LRGUK: variants seen among roughly 807,000 people sequenced by gnomAD.
LRGUK encodes the protein leucine rich repeats and guanylate kinase domain containing.
In LRGUK, 65 loss-of-function variants were observed where a neutral mutation model predicts 76.0. That is an observed-to-expected ratio of 0.85 (90% CI 0.70 to 1.05). The LOEUF is 1.05. Among genes scored for constraint, LRGUK ranks in the 50% least tolerant of loss-of-function variants. The pLI, the probability that LRGUK is intolerant of heterozygous loss-of-function variation, is 0.00. For synonymous variants in LRGUK, 268 were observed against 265.6 expected (o/e 1.01, Z -0.09); for missense variants, 758 against 732.8 (o/e 1.03, Z -0.40).
At chr7:134,247,636 A>G (rs1329189501) in exon 17 of LRGUK, 2 of 1,612,210 alleles carry the variant, frequency 1.2e-6, no homozygotes, top group African/African-American at 1.3e-5. Context: ...ACACACTCCT[A>G]TTTCAAAGGT....
chr7:134,177,713 G>A (rs927318982), intron 9 of LRGUK, among the ~76,000 whole-genome samples: 15 of 152,160 alleles, frequency 9.9e-5, no homozygotes, highest in African/African-American at 3.6e-4. Flanking sequence ...ATGAAAACAG[G>A]TATAAATATG....
intron 10 of LRGUK, among the ~76,000 whole-genome samples, chr7:134,182,005 C>T (rs944376034): frequency 6.6e-6 from 1 of 152,176 alleles, no homozygotes; most frequent in Non-Finnish European, 1.5e-5. Flanking sequence ...ACCTCCCTCC[C>T]TCTCATCTTC....
At chr7:134,157,983 T>C in intron 5 of LRGUK, 52 bp from the exon 6 acceptor site, 1 of 1,551,276 alleles carries the variant, frequency 6.4e-7, no homozygotes, top group Non-Finnish European at 8.8e-7. Context: ...ATTCTTTTTT[T>C]CTTCCAAATG....
intron 16 of LRGUK, among the ~76,000 whole-genome samples, chr7:134,223,024 A>T (rs887942659): frequency 6.6e-5 from 10 of 152,176 alleles, no homozygotes; most frequent in African/African-American, 2.2e-4. Flanking sequence ...GCATATACAG[A>T]TATAGTATGC....
chr7:134,230,245 C>A (rs1381616922), intron 16 of LRGUK, among the ~76,000 whole-genome samples: 1 of 152,108 alleles, frequency 6.6e-6, no homozygotes. Flanking sequence ...AGCCCATATT[C>A]TTATGAAGAG....
intron 19 of LRGUK, among the ~76,000 whole-genome samples, chr7:134,261,291 ATT>A (rs36065624): frequency 4.7e-5 from 7 of 149,224 alleles, no homozygotes; most frequent in Admixed American, 1.3e-4. Flanking sequence ...TGTGAAGTTG[ATT>A]TTTTTTTTTA....
intron 5 of LRGUK, among the ~76,000 whole-genome samples, chr7:134,152,961 GAAGA>G (rs10604961): frequency 0.62 from 94,290 of 151,468 alleles, 29,770 homozygotes; most frequent in African/African-American, 0.7. Context: ...AGGAAGGGAA[GAAGA>G]AAGAGACAAC....
intron 19 of LRGUK, 73 bp from the exon 20 acceptor site, chr7:134,263,772 A>G (rs1283425548): frequency 1.1e-5 from 16 of 1,401,598 alleles, no homozygotes; most frequent in Middle Eastern, 1.8e-4. Flanking sequence ...TGGTGCTTAT[A>G]TCATGCAACA....
intron 11 of LRGUK, among the ~76,000 whole-genome samples, chr7:134,190,601 T>A (rs1291702565): frequency 6.6e-6 from 1 of 152,216 alleles, no homozygotes; most frequent in African/African-American, 2.4e-5. Flanking sequence ...AACTCAAGAG[T>A]CCTGGTGGTT....
downstream of LRGUK, among the ~76,000 whole-genome samples, chr7:134,268,717 C>CTTTTTTTTTTTTTT (rs71531815): frequency 3.5e-5 from 2 of 57,324 alleles, no homozygotes; most frequent in African/African-American, 7.0e-5. Context: ...TGCAAAAAAT[C>CTTTTTTTTTTTTTT]TTTTTTTTTT....
At chr7:134,144,591 AT>A in intron 4 of LRGUK, among the ~76,000 whole-genome samples, 1 of 152,240 alleles carries the variant, frequency 6.6e-6, no homozygotes, top group Non-Finnish European at 1.5e-5. Context: ...GCCTTTTATT[AT>A]CTATTAGTTT....
At chr7:134,167,037 G>A (rs1563157173) in intron 7 of LRGUK, among the ~76,000 whole-genome samples, 1 of 152,226 alleles carries the variant, frequency 6.6e-6, no homozygotes, top group Non-Finnish European at 1.5e-5. Flanking sequence ...TCCAGGGGCT[G>A]ACAACATTGA....
chr7:134,266,879 C>G (rs1487424208), downstream of LRGUK, among the ~76,000 whole-genome samples: 1 of 151,970 alleles, frequency 6.6e-6, no homozygotes, highest in African/African-American at 2.4e-5. Flanking sequence ...AAAAACAACA[C>G]AAAATCTTAA....
chr7:134,179,381 A>G, intron 10 of LRGUK, among the ~76,000 whole-genome samples: 1 of 152,222 alleles, frequency 6.6e-6, no homozygotes, highest in East Asian at 1.9e-4. Context: ...TTGGATATAA[A>G]TGGCTTCTCT....
intron 16 of LRGUK, among the ~76,000 whole-genome samples, chr7:134,225,016 C>T (rs2117161718): frequency 6.7e-6 from 1 of 150,142 alleles, no homozygotes; most frequent in African/African-American, 2.5e-5. Context: ...CTCGCCACTG[C>T]ACTCCAGCCA....
At chr7:134,135,023 A>G (rs1361842033) in intron 1 of LRGUK, among the ~76,000 whole-genome samples, 2 of 152,226 alleles carry the variant, frequency 1.3e-5, no homozygotes, top group Admixed American at 6.5e-5. Context: ...TAAACAGACA[A>G]CAGGTGGATT....
chr7:134,201,408 T>A, intron 14 of LRGUK, 73 bp from the exon 15 acceptor site: 1 of 1,159,922 alleles, frequency 8.6e-7, no homozygotes, highest in Non-Finnish European at 1.3e-6. Context: ...AACAAATCAT[T>A]ACCACCGATA....
In LRGUK at chr7:134,176,881, T is replaced by A. The variant is rs1414426981; in HGVS notation, c.1021-96T>A. 3 of 678,092 alleles carry A rather than the reference T, an allele frequency of 4.4e-6. No homozygotes were observed. The East Asian group carries it at 7.7e-5, about 17-fold the overall frequency. The allele number at this position is 678,092 out of a possible 1,614,324, so 42.0% of individuals were successfully genotyped here. ...GGTGTGTGTGGGAATGATGAGGTAGTAGGTGAAAGGCCCAAGCTCATGAAA... is the reference window on the plus strand; with the variant it reads ...GGTGTGTGTGGGAATGATGAGGTAGAAGGTGAAAGGCCCAAGCTCATGAAA... On this transcript the variant is annotated intron_variant, in intron 8 of 15. Coordinates refer to ENST00000645682, the Ensembl canonical transcript of LRGUK.
intron 16 of LRGUK, among the ~76,000 whole-genome samples, chr7:134,242,619 G>T (rs989236327): frequency 1.3e-5 from 2 of 152,134 alleles, no homozygotes; most frequent in African/African-American, 2.4e-5. Flanking sequence ...AATTCTACCA[G>T]AGGTATAAAG....
Sources: allele counts gnomAD v4.1 joint callset (sites outside exome capture counted in the v4.1 genomes callset), GRCh38; gene constraint gnomAD v4.1.1; transcripts MANE v1.5; gene names NCBI Gene and HGNC (gene_info 2026-07-23, HGNC 2026-07-21).